Variants in CTRC observed in about 807,000 individuals in gnomAD.
CTRC encodes the protein chymotrypsin C, also known as chymotrypsin-C.
In CTRC, 32 loss-of-function variants were observed where a neutral mutation model predicts 35.7. That is an observed-to-expected ratio of 0.90 (90% confidence interval 0.68 to 1.20). The LOEUF (loss-of-function observed/expected upper bound fraction) is 1.20. CTRC is among the 50% of genes most tolerant of loss of function. The probability of loss-of-function intolerance (pLI) is 0.00; values close to 1 mark genes in which losing one functional copy is unlikely to be tolerated. For synonymous variants in CTRC, 119 were observed against 149.5 expected (o/e 0.80, Z 1.49); for missense variants, 324 against 361.5 (o/e 0.90, Z 0.84).
At position 15,443,389 on chromosome 1, in the gene CTRC, C is replaced by A. The variant is rs1224734295; in HGVS notation, c.357-30C>A. On this transcript the variant is annotated intron_variant, in intron 4 of 7. Coordinates refer to ENST00000375949, the MANE Select transcript of CTRC (RefSeq NM_007272.3). ...AGCTTGTGGGGCCAGGGCCCTCCTGCCCACTCACCCTCTCCACTTTGGATT... is the reference window on the plus strand; with the variant it reads ...AGCTTGTGGGGCCAGGGCCCTCCTGACCACTCACCCTCTCCACTTTGGATT... 3.7e-6 allele frequency: 6 copies of A among 1,614,116 alleles called. No individual in the cohort carries two copies. The highest frequency in any genetic ancestry group is 1.1e-5 in the South Asian group (1 of 91,080).
intron 1 of CTRC, among the ~76,000 whole-genome samples, 161 bp from the exon 2 acceptor site, chr1:15,440,139 C>A (rs766682171): frequency 6.6e-6 from 1 of 152,216 alleles, no homozygotes; most frequent in Admixed American, 6.5e-5. Flanking sequence ...GAAAACAAGG[C>A]CTAGAGACCT....
At chr1:15,445,791 C>A in intron 7 of CTRC, 42 bp downstream of exon 7, 14 of 1,610,444 alleles carry the variant, frequency 8.7e-6, no homozygotes, top group Non-Finnish European at 1.1e-5. Flanking sequence ...CTGTCAGCCC[C>A]TCCCCCTCAC....
chr1:15,444,827 C>A, intron 6 of CTRC, 76 bp downstream of exon 6: 1 of 1,586,906 alleles, frequency 6.3e-7, no homozygotes, highest in African/African-American at 1.3e-5. Flanking sequence ...GTGCGATGGA[C>A]CAAACCCTTC....
At chr1:15,440,182 C>A in intron 1 of CTRC, 118 bp from the exon 2 acceptor site, 1 of 925,460 alleles carries the variant, frequency 1.1e-6, no homozygotes. Context: ...AGTAAAATAT[C>A]AACCCCGTGT....
At chr1:15,440,978 G>A (rs371434285) in intron 3 of CTRC, among the ~76,000 whole-genome samples, 3 of 152,234 alleles carry the variant, frequency 2.0e-5, no homozygotes, top group East Asian at 3.9e-4. Flanking sequence ...TCAGGAGTTC[G>A]AGACCAGCCT....
chr1:15,444,853 G>A (rs911196733), intron 6 of CTRC, 102 bp downstream of exon 6: 124 of 1,504,718 alleles, frequency 8.2e-5, no homozygotes, highest in Admixed American at 2.5e-4. Flanking sequence ...GGAGGAGACT[G>A]AGCGAGCCCT....
At chr1:15,444,816 G>T in intron 6 of CTRC, 65 bp downstream of exon 6, 2 of 1,604,340 alleles carry the variant, frequency 1.2e-6, no homozygotes, top group Middle Eastern at 1.7e-4. Context: ...GGCAAAGGGG[G>T]GTGCGATGGA....
At position 15,446,556 on chromosome 1, in the gene CTRC, C is replaced by G. The variant is rs1708224358; in HGVS notation, c.793-19C>G. 1 of 1,614,210 alleles carries G rather than the reference C, an allele frequency of 6.2e-7. No homozygotes were observed. The highest frequency in any genetic ancestry group is 8.5e-7 in the Non-Finnish European group (1 of 1,180,012). On this transcript the variant is annotated intron_variant, in intron 7 of 7. Coordinates refer to ENST00000375949, the MANE Select transcript of CTRC (RefSeq NM_007272.3). ...GTGGCACAGCCCTGAGTCTCTCACA[C>G]TGTTCTCTGCTCCTCCAGAAAATGC... is the stretch of plus-strand genomic sequence containing the variant.
intron 1 of CTRC, among the ~76,000 whole-genome samples, chr1:15,439,782 C>A (rs948256063): frequency 6.6e-6 from 1 of 152,148 alleles, no homozygotes; most frequent in Non-Finnish European, 1.5e-5. Context: ...GCTCTTATCA[C>A]CCAGGATGGA....
At chr1:15,438,560 G>C in intron 1 of CTRC, 56 bp downstream of exon 1, 1 of 1,600,212 alleles carries the variant, frequency 6.2e-7, no homozygotes, top group Non-Finnish European at 8.5e-7. Flanking sequence ...CTGGCCTCCA[G>C]GGCAAGGACG....
intron 7 of CTRC, 93 bp downstream of exon 7, chr1:15,445,842 T>TCATTCATTCATTTATTCACTCATTCATG: frequency 7.0e-7 from 1 of 1,427,528 alleles, no homozygotes; most frequent in East Asian, 2.3e-5. Flanking sequence ...ATGCGTTTAT[T>TCATTCATTCATTTATTCACTCATTCATG]CATTCATTCA....
chr1:15,440,080 CAG>C (rs1362522259), intron 1 of CTRC, among the ~76,000 whole-genome samples: 4 of 152,184 alleles, frequency 2.6e-5, no homozygotes, highest in African/African-American at 9.7e-5. Context: ...ATTCAGTTCT[CAG>C]GGCAAACTCA....
At chr1:15,445,817 CTCAT>C (rs1057160478) in intron 7 of CTRC, 68 bp downstream of exon 7, 2 of 1,541,958 alleles carry the variant, frequency 1.3e-6, no homozygotes, top group African/African-American at 2.7e-5. Context: ...CATCCCCTCA[CTCAT>C]TCACTCATTC....
chr1:15,441,680 A>ATATT (rs1446438873), intron 3 of CTRC, among the ~76,000 whole-genome samples: 1 of 151,132 alleles, frequency 6.6e-6, no homozygotes, highest in East Asian at 1.9e-4. Flanking sequence ...TTCATTTTAT[A>ATATT]TATTTCATAT....
In CTRC at chr1:15,447,529, A is replaced by T. The variant is rs1299192538; in HGVS notation, c.*940A>T. 1.3e-5 allele frequency: 2 copies of T among 152,554 alleles called. No homozygotes were observed. The highest frequency in any genetic ancestry group is 4.8e-5 in the African/African-American group (2 of 41,462). The allele number at this position is 152,554 out of a possible 1,614,324, so 9.5% of individuals were successfully genotyped here. A position where few individuals can be genotyped will look rare whatever the true frequency, so the allele number is the denominator to read the frequency against. On this transcript the variant is annotated 3_prime_UTR_variant, in exon 8 of 8. Transcript: ENST00000375949. ...CCCAGTGTCCAGGGAGGGACATGCC[A>T]GTGGGATCAGACCCTGATGACAGGG...
chr1:15,442,353 A>T (rs1237890642), intron 3 of CTRC, 94 bp from the exon 4 acceptor site: 2 of 1,482,256 alleles, frequency 1.3e-6, no homozygotes, highest in African/African-American at 1.4e-5. Context: ...TCTTCCCCCA[A>T]AATGAGTCCC....
chr1:15,440,208 T>G, intron 1 of CTRC, 92 bp from the exon 2 acceptor site: 1 of 1,187,922 alleles, frequency 8.4e-7, no homozygotes, highest in Admixed American at 2.0e-5. Context: ...CAGCCCCAAC[T>G]CTGTGCTTCT....
chr1:15,442,490 G>A lies in CTRC; in HGVS notation c.274G>A (p.Glu92Lys). The A allele has an allele frequency of 6.2e-7, 1 of 1,614,144 alleles. No individual in the cohort carries two copies. The highest frequency in any genetic ancestry group is 8.5e-7 in the Non-Finnish European group (1 of 1,180,030). The change falls in exon 4 of 8, where the codon GAG becomes AAG. Residue 92 changes from glutamate to lysine, a missense_variant. Coordinates refer to ENST00000375949, the MANE Select transcript of CTRC (RefSeq NM_007272.3). ...TGTGGCCGTGGGAAAGAACAACCTG[G>A]AGGTGGAAGACGAAGAAGGATCCCT... is the stretch of plus-strand genomic sequence containing the variant. Reference protein sequence around the residue: ...YRVAVGKNNLEVEDEEGSLFV... With the variant: ...YRVAVGKNNLKVEDEEGSLFV...
intron 5 of CTRC, 121 bp from the exon 6 acceptor site, chr1:15,444,485 A>C: frequency 1.6e-6 from 2 of 1,234,044 alleles, no homozygotes; most frequent in Non-Finnish European, 2.3e-6. Flanking sequence ...TGTGGTCCGC[A>C]CACTGTCTCA....
Sources: gnomAD v4.1 joint callset for allele counts (sites outside exome capture counted in the v4.1 genomes callset) on GRCh38, gnomAD v4.1.1 for gene constraint, MANE v1.5 for transcripts, NCBI Gene and HGNC (gene_info 2026-07-23, HGNC 2026-07-21) for gene names.